Variants in LDLRAD3 observed in about 807,000 individuals in gnomAD.
LDLRAD3 encodes the protein low density lipoprotein receptor class A domain containing 3.
LDLRAD3 carries 20 observed loss-of-function variants against 29.4 expected under a neutral mutation model. That is an observed-to-expected ratio of 0.68 (90% CI 0.48 to 0.99). LDLRAD3 has a LOEUF of 0.99. Ranked by LOEUF, LDLRAD3 falls within the 50% of genes least tolerant of loss-of-function variation. LDLRAD3 has a pLI of 0.00. For missense variants in LDLRAD3, 420 were observed against 454.3 expected (o/e 0.92, Z 0.69); for synonymous variants, 157 against 192.7 (o/e 0.81, Z 1.53).
At position 36,227,329 on chromosome 11, in the gene LDLRAD3, C is replaced by T. The variant is rs746571027; in HGVS notation, c.699C>T (p.Tyr233=). The change falls in exon 5 of 6, where the codon TAC becomes TAT. Residue 233 remains tyrosine (Y), a synonymous_variant. Transcript: ENST00000315571. ...LDHPHHCNVT[Y]NVNNGIQYVA... is the part of the protein sequence containing the mutation. ...ACCCCCACCACTGCAACGTCACCTA[C>T]AACGTCAATAATGGCATCCAGTATG... 5.0e-6 allele frequency: 8 copies of T among 1,614,210 alleles called. No individual in the cohort carries two copies. Among genetic ancestry groups the T allele is most frequent in the Non-Finnish European group, 5.9e-6 (7 of 1,180,038 alleles).
chr11:36,035,697 A>G (rs1852294608), intron 1 of LDLRAD3, among the ~76,000 whole-genome samples: 1 of 152,202 alleles, frequency 6.6e-6, no homozygotes, highest in South Asian at 2.1e-4. Context: ...ACAGAGTGTG[A>G]GGCCTGGAAA....
intron 4 of LDLRAD3, among the ~76,000 whole-genome samples, chr11:36,178,303 C>T (rs1452170503): frequency 6.6e-6 from 1 of 152,180 alleles, no homozygotes; most frequent in East Asian, 1.9e-4. Flanking sequence ...CTCTCCAGCC[C>T]AGGATTTCAG....
chr11:35,974,464 C>T (rs964411136), intron 1 of LDLRAD3, among the ~76,000 whole-genome samples: 12 of 152,150 alleles, frequency 7.9e-5, no homozygotes, highest in East Asian at 3.8e-4. Flanking sequence ...ACAGTTTCTG[C>T]GGGCCAGGAG....
intron 1 of LDLRAD3, among the ~76,000 whole-genome samples, chr11:35,983,867 C>T (rs1398372661): frequency 1.3e-5 from 2 of 152,194 alleles, no homozygotes; most frequent in African/African-American, 2.4e-5. Context: ...TCAAGTGATC[C>T]GCCTGCCTCG....
chr11:36,055,047 A>T, intron 2 of LDLRAD3, among the ~76,000 whole-genome samples: 1 of 5,054 alleles, frequency 2.0e-4, no homozygotes, highest in Admixed American at 1.9e-3. Context: ...GGATGCATGG[A>T]TGGATAGATG....
chr11:36,021,291 G>A (rs578085438), intron 1 of LDLRAD3, among the ~76,000 whole-genome samples: 8 of 152,272 alleles, frequency 5.3e-5, no homozygotes, highest in African/African-American at 1.7e-4. Context: ...GGAAGATATC[G>A]CTTGTTTAAG....
chr11:36,109,899 C>T (rs1198272474), intron 4 of LDLRAD3: 2 of 152,172 alleles, frequency 1.3e-5, no homozygotes, highest in African/African-American at 4.8e-5. Flanking sequence ...AGAATCATCA[C>T]CCTTAAGGAA....
At chr11:36,010,660 C>T (rs1490185731) in intron 1 of LDLRAD3, among the ~76,000 whole-genome samples, 3 of 152,136 alleles carry the variant, frequency 2.0e-5, no homozygotes, top group Non-Finnish European at 2.9e-5. Flanking sequence ...CTCTCCATGA[C>T]CATTTGCTTT....
At chr11:35,987,083 A>G (rs1474671988) in intron 1 of LDLRAD3, among the ~76,000 whole-genome samples, 1 of 152,154 alleles carries the variant, frequency 6.6e-6, no homozygotes, top group African/African-American at 2.4e-5. Context: ...TTCACTTAGA[A>G]TTTTGCTAAT....
chr11:36,069,304 A>C (rs1333967199), intron 2 of LDLRAD3, among the ~76,000 whole-genome samples: 1 of 152,216 alleles, frequency 6.6e-6, no homozygotes, highest in Non-Finnish European at 1.5e-5. Context: ...TTTAGAAGTC[A>C]GTTATTTTTA....
At chr11:35,966,179 G>A (rs2133141652) in intron 1 of LDLRAD3, among the ~76,000 whole-genome samples, 1 of 152,332 alleles carries the variant, frequency 6.6e-6, no homozygotes, top group South Asian at 2.1e-4. Flanking sequence ...TGTAGTCCCA[G>A]CACTTTGGGA....
intron 4 of LDLRAD3, among the ~76,000 whole-genome samples, chr11:36,112,305 T>C (rs1853617022): frequency 6.6e-6 from 1 of 152,210 alleles, no homozygotes; most frequent in Non-Finnish European, 1.5e-5. Context: ...TGCTTCATTC[T>C]AGTAGCTTAT....
chr11:36,071,510 A>G (rs1195268335), intron 2 of LDLRAD3, among the ~76,000 whole-genome samples: 2 of 152,236 alleles, frequency 1.3e-5, no homozygotes, highest in Admixed American at 6.5e-5. Context: ...TTATGGATAC[A>G]TAGACACAGT....
rs114063407 is a variant in LDLRAD3, at chr11:36,063,003, A to G, written c.194-18650A>G. 4.4e-3 allele frequency among the ~76,000 whole-genome samples: 665 copies of G among 152,322 alleles called. 2 individuals are homozygous for G. Among genetic ancestry groups the G allele is most frequent in the African/African-American group, 0.016 (645 of 41,562 alleles). ...AAGGGCAAGGAAACGATTATGATGA[A>G]TAGAGAGTCTCTGCATTTCATTGTC... On this transcript the variant is annotated intron_variant, in intron 2 of 5. Coordinates refer to ENST00000315571, the MANE Select transcript of LDLRAD3 (RefSeq NM_174902.4).
At chr11:36,220,568 A>G (rs1164768099) in intron 4 of LDLRAD3, among the ~76,000 whole-genome samples, 2 of 152,212 alleles carry the variant, frequency 1.3e-5, no homozygotes, top group Admixed American at 1.3e-4. Context: ...AATAGAATAT[A>G]AAAAACACAA....
At chr11:36,106,478 G>T (rs370211393) in intron 4 of LDLRAD3, among the ~76,000 whole-genome samples, 2 of 152,168 alleles carry the variant, frequency 1.3e-5, no homozygotes, top group African/African-American at 2.4e-5. Flanking sequence ...TGAGAAGAAA[G>T]AATTAGGGAC....
At chr11:36,147,445 G>C (rs1355829194) in intron 4 of LDLRAD3, among the ~76,000 whole-genome samples, 1 of 152,026 alleles carries the variant, frequency 6.6e-6, no homozygotes, top group Non-Finnish European at 1.5e-5. Context: ...AAGGACACCA[G>C]TCATTTGACT....
At chr11:35,955,243 TCAAAACAAAA>T (rs796744097) in intron 1 of LDLRAD3, among the ~76,000 whole-genome samples, 1 of 152,100 alleles carries the variant, frequency 6.6e-6, no homozygotes, top group African/African-American at 2.4e-5. Flanking sequence ...AGACTCTCTC[TCAAAACAAAA>T]CAAAACAAAA....
chr11:36,212,767 C>G (rs1427529845), intron 4 of LDLRAD3, among the ~76,000 whole-genome samples: 1 of 152,046 alleles, frequency 6.6e-6, no homozygotes, highest in Non-Finnish European at 1.5e-5. Context: ...TCTGGGACTG[C>G]TGGGGGCTTT....
Sources: gnomAD v4.1 joint callset for allele counts (sites outside exome capture counted in the v4.1 genomes callset) on GRCh38, gnomAD v4.1.1 for gene constraint, MANE v1.5 for transcripts, NCBI Gene and HGNC (gene_info 2026-07-23, HGNC 2026-07-21) for gene names.